ANKRD28: variants seen among roughly 807,000 people sequenced by gnomAD.
ANKRD28 encodes serine/threonine-protein phosphatase 6 regulatory ankyrin repeat subunit A.
A neutral mutation model predicts 126.5 loss-of-function variants in ANKRD28; 44 were observed. That is an observed-to-expected ratio of 0.35 (90% confidence interval 0.27 to 0.45). ANKRD28 has a LOEUF of 0.45. ANKRD28 is among the 20% of genes least tolerant of loss of function. The probability of loss-of-function intolerance (pLI) is 1.00; values close to 1 mark genes in which losing one functional copy is unlikely to be tolerated. For missense variants in ANKRD28, 1,110 were observed against 1,316.6 expected (o/e 0.84, Z 2.43); for synonymous variants, 442 against 468.5 (o/e 0.94, Z 0.73).
intron 1 of ANKRD28, among the ~76,000 whole-genome samples, chr3:15,827,669 C>T (rs1421779891): frequency 6.6e-6 from 1 of 152,134 alleles, no homozygotes; most frequent in African/African-American, 2.4e-5. Flanking sequence ...AGCTTCATGA[C>T]ATTGGATTTG....
chr3:15,812,286 G>C lies in ANKRD28; in HGVS notation c.28-16980C>G, dbSNP rs2060732031. On this transcript the variant is annotated intron_variant, in intron 1 of 27. Transcript: ENST00000399451. This position sits in a 1 kb window ranked among gnomAD's most constrained non-coding sequence, Gnocchi z 4.1. ...CCCAGCTACTTGGGAGGCTGAGATG[G>C]GAAACTATACCATTATCTTAATTTC... 6.6e-6 allele frequency among the ~76,000 whole-genome samples: 1 copy of C among 151,082 alleles called. No individual in the cohort carries two copies. The highest frequency in any genetic ancestry group is 1.5e-5 in the Non-Finnish European group (1 of 67,784).
chr3:15,832,176 C>G (rs1029020382), intron 1 of ANKRD28, among the ~76,000 whole-genome samples: 1 of 152,168 alleles, frequency 6.6e-6, no homozygotes, highest in Non-Finnish European at 1.5e-5. Context: ...AAGATCACTT[C>G]AGATAGTGCT....
intron 4 of ANKRD28, among the ~76,000 whole-genome samples, chr3:15,750,558 C>G (rs2057793408): frequency 6.6e-6 from 1 of 152,142 alleles, no homozygotes; most frequent in African/African-American, 2.4e-5. Flanking sequence ...ACCCACTGTC[C>G]CCATCCTTCT....
In ANKRD28 at chr3:15,773,574, A is replaced by G. The variant is rs578034457; in HGVS notation, c.202-7262T>C. ...CAGGACATGGAGGTTGCAGTGAGCCAAGACTGCACTCCTGCCTGGGCAACA... is the reference window on the plus strand; with the variant it reads ...CAGGACATGGAGGTTGCAGTGAGCCGAGACTGCACTCCTGCCTGGGCAACA... On this transcript the variant is annotated intron_variant, in intron 2 of 27. Coordinates refer to ENST00000683139, the MANE Select transcript of ANKRD28 (RefSeq NM_001349278.2). 2.0e-5 allele frequency among the ~76,000 whole-genome samples: 3 copies of G among 152,274 alleles called. No homozygotes were observed. The South Asian group carries it at 6.2e-4, about 32-fold the overall frequency.
chr3:15,763,915 A>G (rs1173462091), intron 3 of ANKRD28, among the ~76,000 whole-genome samples: 1 of 152,144 alleles, frequency 6.6e-6, no homozygotes, highest in African/African-American at 2.4e-5. Context: ...ACCTCTTTAC[A>G]CTGATAAAAC....
chr3:15,752,558 G>T (rs189713732), intron 3 of ANKRD28, among the ~76,000 whole-genome samples: 1 of 152,118 alleles, frequency 6.6e-6, no homozygotes, highest in Non-Finnish European at 1.5e-5. Flanking sequence ...AATAAAAGCA[G>T]CACATGCATG....
intron 1 of ANKRD28, among the ~76,000 whole-genome samples, chr3:15,844,496 G>T (rs1431982371): frequency 6.6e-6 from 1 of 152,136 alleles, no homozygotes; most frequent in Non-Finnish European, 1.5e-5. Context: ...CTCCAAGGAG[G>T]TAACAGAACA....
chr3:15,757,560 T>C (rs374094538), intron 3 of ANKRD28, among the ~76,000 whole-genome samples: 2 of 152,148 alleles, frequency 1.3e-5, no homozygotes, highest in African/African-American at 4.8e-5. Flanking sequence ...TGTGAGGTAA[T>C]TGGGTCATGA....
At chr3:15,793,007 A>G (rs558979006) in intron 2 of ANKRD28, among the ~76,000 whole-genome samples, 1 of 152,200 alleles carries the variant, frequency 6.6e-6, no homozygotes, top group East Asian at 1.9e-4. Context: ...TAGAGAAATA[A>G]ATCTGAACTT....
chr3:15,741,119 A>G (rs1279892823), intron 4 of ANKRD28, among the ~76,000 whole-genome samples: 1 of 152,162 alleles, frequency 6.6e-6, no homozygotes, highest in Admixed American at 6.5e-5. Flanking sequence ...GAATGGCATG[A>G]ACCTGGGAGG....
chr3:15,805,725 T>C (rs898867013), intron 1 of ANKRD28, among the ~76,000 whole-genome samples: 8 of 152,162 alleles, frequency 5.3e-5, no homozygotes, highest in Non-Finnish European at 1.0e-4. Context: ...CCAGAGTAAA[T>C]GTAGTATGAA....
At chr3:15,822,281 TG>T (rs922526345) in intron 1 of ANKRD28, among the ~76,000 whole-genome samples, 7 of 152,208 alleles carry the variant, frequency 4.6e-5, no homozygotes, top group Non-Finnish European at 1.0e-4. Context: ...AGTTTGTTTT[TG>T]TTTGGGCTTT....
chr3:15,748,957 GTTC>G (rs2057667942), intron 4 of ANKRD28, among the ~76,000 whole-genome samples: 1 of 152,000 alleles, frequency 6.6e-6, no homozygotes. Context: ...AAGCGCTAAA[GTTC>G]TTCTGTTTGT....
chr3:15,716,777 A>G (rs1407600231), intron 8 of ANKRD28, among the ~76,000 whole-genome samples: 1 of 152,240 alleles, frequency 6.6e-6, no homozygotes, highest in East Asian at 1.9e-4. Context: ...TTATGTATAC[A>G]TAGCACGTTT....
At chr3:15,721,867 C>G (rs2073770545) in intron 7 of ANKRD28, among the ~76,000 whole-genome samples, 2 of 152,096 alleles carry the variant, frequency 1.3e-5, no homozygotes, top group Middle Eastern at 3.2e-3. Context: ...GCCTCAGCCT[C>G]CTGAGTAACT....
intron 1 of ANKRD28, among the ~76,000 whole-genome samples, chr3:15,844,804 T>C (rs951440523): frequency 1.5e-4 from 23 of 152,206 alleles, no homozygotes; most frequent in African/African-American, 5.3e-4. Flanking sequence ...GGAATTTGTT[T>C]TATTAAGGGA....
intron 3 of ANKRD28, among the ~76,000 whole-genome samples, chr3:15,758,965 T>C (rs1267065292): frequency 6.6e-6 from 1 of 152,244 alleles, no homozygotes; most frequent in Admixed American, 6.5e-5. Context: ...ACTTAATACT[T>C]ACTGGAGGCA....
chr3:15,752,326 G>C (rs1207094764), intron 3 of ANKRD28, among the ~76,000 whole-genome samples: 1 of 152,034 alleles, frequency 6.6e-6, no homozygotes, highest in African/African-American at 2.4e-5. Context: ...TACAGATTTA[G>C]AAAAATAATT....
chr3:15,711,074 CT>C (rs900516624), intron 12 of ANKRD28, 136 bp downstream of exon 12: 21 of 690,864 alleles, frequency 3.0e-5, no homozygotes, highest in South Asian at 4.9e-5. Flanking sequence ...CCACCCTGGA[CT>C]TTTTTTTCCC....
Sources: allele counts gnomAD v4.1 joint callset (sites outside exome capture counted in the v4.1 genomes callset), GRCh38; gene constraint gnomAD v4.1.1; non-coding constraint Gnocchi (gnomAD v3.1); transcripts MANE v1.5; gene names NCBI Gene and HGNC (gene_info 2026-07-23, HGNC 2026-07-21).